POU6F2: variants seen among roughly 807,000 people sequenced by gnomAD.
The protein encoded by POU6F2 is POU class 6 homeobox 2, also known as POU domain, class 6, transcription factor 2.
POU6F2 carries 31 observed loss-of-function variants against 71.3 expected under a neutral mutation model. The observed-to-expected ratio is 0.43, with a 90% CI of 0.33 to 0.59. The LOEUF is 0.59. Among genes scored for constraint, POU6F2 ranks in the 20% least tolerant of loss-of-function variants. POU6F2 has a pLI of 0.04. For synonymous variants in POU6F2, 347 were observed against 355.7 expected, an observed-to-expected ratio of 0.98 and a Z score of 0.27; for missense variants, 783 against 856.8, an observed-to-expected ratio of 0.91 and a Z score of 1.07.
chr7:39,179,233 T>C (rs1793387780), intron 2 of POU6F2, among the ~76,000 whole-genome samples: 1 of 152,216 alleles, frequency 6.6e-6, no homozygotes, highest in Non-Finnish European at 1.5e-5. Flanking sequence ...ATTCTTCCGG[T>C]GAGGTGGAAC....
chr7:39,292,753 C>T (rs1267191875), intron 4 of POU6F2, among the ~76,000 whole-genome samples: 1 of 152,120 alleles, frequency 6.6e-6, no homozygotes, highest in Non-Finnish European at 1.5e-5. Flanking sequence ...TCAGCAAAAA[C>T]TCAGTCTCAT....
At chr7:39,087,035 T>C (rs1791261527) in intron 2 of POU6F2, among the ~76,000 whole-genome samples, 1 of 149,036 alleles carries the variant, frequency 6.7e-6, no homozygotes, top group Admixed American at 6.7e-5. Context: ...CTGCTTGGTC[T>C]CAGGTAAGAA....
chr7:39,108,585 A>C (rs973908500), intron 2 of POU6F2, among the ~76,000 whole-genome samples: 2 of 152,146 alleles, frequency 1.3e-5, no homozygotes, highest in African/African-American at 4.8e-5. Context: ...GGTTGTGTAC[A>C]CCCAGGGAAT....
At chr7:39,328,506 T>C (rs1381521006) in intron 4 of POU6F2, among the ~76,000 whole-genome samples, 2 of 152,216 alleles carry the variant, frequency 1.3e-5, no homozygotes, top group Non-Finnish European at 2.9e-5. Flanking sequence ...GTATAGGGTC[T>C]AGATCTCAGC....
chr7:39,065,696 G>T (rs1470572682), intron 1 of POU6F2, among the ~76,000 whole-genome samples: 1 of 151,484 alleles, frequency 6.6e-6, no homozygotes, highest in Non-Finnish European at 1.5e-5. Flanking sequence ...TGAAAATCTT[G>T]TATATAGATG....
At chr7:39,004,047 C>T (rs1014611637) in intron 1 of POU6F2, among the ~76,000 whole-genome samples, 2 of 151,864 alleles carry the variant, frequency 1.3e-5, no homozygotes, top group Non-Finnish European at 2.9e-5. Context: ...TACATATAAA[C>T]GTTTATATAT....
intron 1 of POU6F2, among the ~76,000 whole-genome samples, chr7:39,042,370 G>A (rs1312169276): frequency 6.6e-6 from 1 of 151,920 alleles, no homozygotes; most frequent in Non-Finnish European, 1.5e-5. Flanking sequence ...CTGGCCACTG[G>A]ACTGTGGTGG....
intron 4 of POU6F2, among the ~76,000 whole-genome samples, chr7:39,234,973 C>G (rs1794647897): frequency 6.6e-6 from 1 of 152,156 alleles, no homozygotes; most frequent in Admixed American, 6.5e-5. Flanking sequence ...TTCTTTCACT[C>G]TAATGCAACA....
chr7:39,063,234 A>G (rs1790693360), intron 1 of POU6F2, among the ~76,000 whole-genome samples: 1 of 151,740 alleles, frequency 6.6e-6, no homozygotes, highest in African/African-American at 2.4e-5. Context: ...AACTTAACGG[A>G]TGTGGCAGCT....
At chr7:39,130,150 GTGT>G (rs1792238221) in intron 2 of POU6F2, among the ~76,000 whole-genome samples, 1 of 13,252 alleles carries the variant, frequency 7.5e-5, no homozygotes, top group Non-Finnish European at 1.4e-4. Flanking sequence ...AGGGGTAGGT[GTGT>G]GTGTGTGTGT....
chr7:39,023,903 C>A (rs564132529), intron 1 of POU6F2, among the ~76,000 whole-genome samples: 1 of 152,128 alleles, frequency 6.6e-6, no homozygotes, highest in Non-Finnish European at 1.5e-5. Context: ...CTGTTTAGGT[C>A]AGTGTGATAG....
intron 2 of POU6F2, among the ~76,000 whole-genome samples, chr7:39,151,249 T>C (rs1369335180): frequency 2.0e-5 from 3 of 149,618 alleles, no homozygotes; most frequent in Non-Finnish European, 3.0e-5. Context: ...CCCAGTCCCA[T>C]ACAGCATTTT....
chr7:39,232,747 A>G (rs1794598697), intron 4 of POU6F2, among the ~76,000 whole-genome samples: 1 of 152,234 alleles, frequency 6.6e-6, no homozygotes, highest in Non-Finnish European at 1.5e-5. Flanking sequence ...TAATGTTGCC[A>G]TGACATGCTA....
chr7:39,221,869 G>C (rs1194713375), intron 4 of POU6F2, among the ~76,000 whole-genome samples: 1 of 152,028 alleles, frequency 6.6e-6, no homozygotes, highest in Non-Finnish European at 1.5e-5. Context: ...ATTCATTATA[G>C]TTGTCTTTAT....
chr7:39,251,934 C>T (rs1310826847), intron 4 of POU6F2, among the ~76,000 whole-genome samples: 2 of 152,172 alleles, frequency 1.3e-5, no homozygotes, highest in African/African-American at 2.4e-5. Context: ...AGTAAAGGGA[C>T]TCAAAATATA....
chr7:39,040,147 T>C (rs1328759303), intron 1 of POU6F2, among the ~76,000 whole-genome samples: 1 of 43,400 alleles, frequency 2.3e-5, no homozygotes, highest in Admixed American at 2.9e-4. Context: ...AATCCCAGAT[T>C]GACTGAGTTA....
intron 2 of POU6F2, among the ~76,000 whole-genome samples, chr7:39,109,209 T>C (rs1347849567): frequency 6.6e-6 from 1 of 152,080 alleles, no homozygotes; most frequent in African/African-American, 2.4e-5. Flanking sequence ...CCACTGCATC[T>C]GGCTAATTTT....
intron 1 of POU6F2, among the ~76,000 whole-genome samples, chr7:39,051,466 A>G (rs184693828): frequency 1.4e-3 from 206 of 152,238 alleles, no homozygotes; most frequent in African/African-American, 4.8e-3. Flanking sequence ...GCACTGAGGT[A>G]TGTGATAGGA....
At chr7:39,331,869 A>G (rs1785661184) in intron 4 of POU6F2, among the ~76,000 whole-genome samples, 1 of 152,082 alleles carries the variant, frequency 6.6e-6, no homozygotes, top group Non-Finnish European at 1.5e-5. Context: ...TTATTGCACA[A>G]TTGGTTTATG....
Sources: gnomAD v4.1 joint callset for allele counts (sites outside exome capture counted in the v4.1 genomes callset) on GRCh38, gnomAD v4.1.1 for gene constraint, MANE v1.5 for transcripts, NCBI Gene and HGNC (gene_info 2026-07-23, HGNC 2026-07-21) for gene names.